The following MSI1 variants were observed in gnomAD, a reference collection of about 807,000 sequenced individuals.
MSI1 encodes RNA-binding protein Musashi homolog 1.
In MSI1, 15 loss-of-function variants were observed where a neutral mutation model predicts 54.4. The observed-to-expected ratio is 0.28, with a 90% CI of 0.18 to 0.42. The LOEUF (loss-of-function observed/expected upper bound fraction) is 0.42, where lower values mean the gene tolerates loss of function less well. Among genes scored for constraint, MSI1 ranks in the 20% least tolerant of loss-of-function variants. The probability of loss-of-function intolerance (pLI) is 1.00; values close to 1 mark genes in which losing one functional copy is unlikely to be tolerated. For synonymous variants in MSI1, 200 were observed against 196.5 expected (o/e 1.02, Z -0.15); for missense variants, 304 against 506.0 (o/e 0.60, Z 3.83).
At position 120,362,720 on chromosome 12, in the gene MSI1, C is replaced by T. The variant is rs573604292; in HGVS notation, c.402+323G>A. 9.2e-5 allele frequency among the ~76,000 whole-genome samples: 14 copies of T among 152,312 alleles called. No individual in the cohort carries two copies. The South Asian group carries it at 1.2e-3, about 14-fold the overall frequency. On this transcript the variant is annotated intron_variant, in intron 6 of 14. Transcript: ENST00000257552. ...ACAGGTGCAAACTCCCAGGAGGCCA[C>T]GGGCTGACTTGATTGAACTGGCTGT...
At chr12:120,344,315 G>A (rs1873933262) in intron 14 of MSI1, among the ~76,000 whole-genome samples, 1 of 152,194 alleles carries the variant, frequency 6.6e-6, no homozygotes, top group South Asian at 2.1e-4. Flanking sequence ...TTGAAACTGG[G>A]ACAAACACTG....
intron 5 of MSI1, among the ~76,000 whole-genome samples, chr12:120,364,244 A>G (rs1194282846): frequency 6.6e-6 from 1 of 152,172 alleles, no homozygotes; most frequent in Non-Finnish European, 1.5e-5. Flanking sequence ...CTGAAAGACA[A>G]CAGGTGACAG....
Position 120,347,483 on chromosome 12 carries a change from C to T in MSI1, c.822G>A (p.Ala274=), listed in dbSNP as rs768663071. The stretch of plus-strand genomic sequence containing the variant: ...CCACAGCCGCTGCCGCCGCTGCCGC[C>T]GCCATTGGTCCGTAGGCAGTGAGAG... ...AIPLTAYGPM[A]AAAAAAAVVR... Residue 274 remains alanine (A), a synonymous_variant, in exon 12 of 15, where the codon GCG becomes GCA. Coordinates refer to ENST00000257552, the MANE Select transcript of MSI1 (RefSeq NM_002442.4). 41 of 1,614,018 alleles carry T rather than the reference C, an allele frequency of 2.5e-5. No individual in the cohort carries two copies. The highest frequency in any genetic ancestry group is 5.0e-5 in the Admixed American group (3 of 59,996).
At chr12:120,354,622 G>T (rs1354341158) in intron 9 of MSI1, among the ~76,000 whole-genome samples, 2 of 152,036 alleles carry the variant, frequency 1.3e-5, no homozygotes, top group Non-Finnish European at 2.9e-5. Flanking sequence ...GTTGAGACAG[G>T]GTTTCTCCAT....
At chr12:120,358,024 C>A in intron 7 of MSI1, 126 bp from the exon 8 acceptor site, 2 of 766,816 alleles carry the variant, frequency 2.6e-6, no homozygotes. Context: ...AAAGGCTCTG[C>A]TCACAGCCTG....
Position 120,359,006 on chromosome 12 carries a change from T to C in MSI1, c.450A>G (p.Arg150=). The change falls in exon 7 of 15, where the codon CGA becomes CGG. Residue 150 remains arginine (R), a splice_region_variant and synonymous_variant. Transcript: ENST00000257552. ...LMFDKTTNRH[R]GFGFVTFESE... is the part of the protein sequence containing the mutation. Reference sequence around the variant, plus strand: ...GAAGGGGGAGGGGGCCACACTCACCTCGGTGCCGGTTGGTGGTTTTGTCAA... The same window carrying C: ...GAAGGGGGAGGGGGCCACACTCACCCCGGTGCCGGTTGGTGGTTTTGTCAA... The C allele has an allele frequency of 1.9e-6, 3 of 1,566,274 alleles. No individual in the cohort carries two copies. The highest frequency in any genetic ancestry group is 2.6e-6 in the Non-Finnish European group (3 of 1,155,356).
At chr12:120,346,070 C>T (rs1874091476) in intron 13 of MSI1, 65 bp downstream of exon 13, 4 of 1,367,252 alleles carry the variant, frequency 2.9e-6, no homozygotes, top group Non-Finnish European at 3.9e-6. Context: ...TCTCTCCCTT[C>T]CCCAACTTGG....
At chr12:120,353,150 A>C in intron 10 of MSI1, 149 bp downstream of exon 10, 1 of 759,188 alleles carries the variant, frequency 1.3e-6, no homozygotes, top group African/African-American at 1.7e-5. Context: ...ATGGGTGGGG[A>C]GAGGCCCTCT....
chr12:120,343,199 C>T (rs913708824), intron 14 of MSI1, 94 bp from the exon 15 acceptor site: 9 of 150,864 alleles, frequency 6.0e-5, no homozygotes, highest in African/African-American at 1.9e-4. Context: ...AAACTACCTA[C>T]TTTCTTCTTC....
At chr12:120,353,481 A>G in intron 9 of MSI1, 102 bp from the exon 10 acceptor site, 1 of 1,011,900 alleles carries the variant, frequency 9.9e-7, no homozygotes. Context: ...TTCCTTTATC[A>G]TGAATAATAG....
intron 10 of MSI1, among the ~76,000 whole-genome samples, chr12:120,351,954 C>T (rs1251711585): frequency 3.3e-5 from 5 of 151,202 alleles, no homozygotes; most frequent in South Asian, 2.1e-4. Flanking sequence ...GTGATCCGCC[C>T]GTCTTGGCCT....
At chr12:120,359,589 C>G (rs187676691) in intron 6 of MSI1, among the ~76,000 whole-genome samples, 30 of 152,264 alleles carry the variant, frequency 2.0e-4, no homozygotes, top group African/African-American at 7.0e-4. Flanking sequence ...AGTTCAGTGC[C>G]TGGGCTGCTT....
At chr12:120,355,098 T>C (rs1874975274) in intron 9 of MSI1, among the ~76,000 whole-genome samples, 1 of 132,990 alleles carries the variant, frequency 7.5e-6, no homozygotes, top group Non-Finnish European at 1.6e-5. Flanking sequence ...AAATAGAAAG[T>C]AGATTAGATA....
chr12:120,360,822 AC>A (rs2136969580), intron 6 of MSI1, among the ~76,000 whole-genome samples: 1 of 76,106 alleles, frequency 1.3e-5, no homozygotes, highest in African/African-American at 5.1e-5. Flanking sequence ...AATGAAAGAC[AC>A]CTTTTTTTTT....
At position 120,356,401 on chromosome 12, in the gene MSI1, G is replaced by A. The variant is rs151212744; in HGVS notation, c.652+501C>T. On this transcript the variant is annotated intron_variant, in intron 9 of 14. Transcript: ENST00000257552. The stretch of plus-strand genomic sequence containing the variant: ...CTCCACCCGCAGACTCAACTTAAAT[G>A]TAACTTCTTTTCCCACTTCTCCAAG... 3.8e-4 allele frequency among the ~76,000 whole-genome samples: 58 copies of A among 152,188 alleles called. No individual in the cohort carries two copies. The East Asian group carries it at 0.011, about 28-fold the overall frequency.
chr12:120,362,962 C>G, intron 6 of MSI1, 81 bp downstream of exon 6: 1 of 1,212,086 alleles, frequency 8.3e-7, no homozygotes, highest in Non-Finnish European at 1.2e-6. Context: ...ATGGAATGAC[C>G]TGGCTGGATT....
At chr12:120,366,379 A>C (rs1326321769) in intron 4 of MSI1, among the ~76,000 whole-genome samples, 1 of 152,034 alleles carries the variant, frequency 6.6e-6, no homozygotes, top group African/African-American at 2.4e-5. Context: ...GCCAAGTCCC[A>C]CTGGGCTCCA....
Position 120,368,943 on chromosome 12 carries a change from C to G in MSI1, c.60-70G>C, listed in dbSNP as rs1465265929. Reference sequence around the variant, plus strand: ...CGCCAGGGCGCAGGGGGCGCGGGCCCGGGCTCCGGGGAGGCCCGGCCGGAC... The same window carrying G: ...CGCCAGGGCGCAGGGGGCGCGGGCCGGGGCTCCGGGGAGGCCCGGCCGGAC... On this transcript the variant is annotated intron_variant, in intron 1 of 14. Coordinates refer to ENST00000257552, the MANE Select transcript of MSI1 (RefSeq NM_002442.4). This position sits in a 1 kb window ranked among gnomAD's most constrained non-coding sequence, Gnocchi z 6.6. 2.4e-6 allele frequency: 3 copies of G among 1,257,572 alleles called. No individual in the cohort carries two copies. Among genetic ancestry groups the G allele is most frequent in the Non-Finnish European group, 3.0e-6 (3 of 986,928 alleles). The allele number at this position is 1,257,572 out of a possible 1,614,324, so 77.9% of individuals were successfully genotyped here.
At chr12:120,353,859 T>C (rs1281007166) in intron 9 of MSI1, among the ~76,000 whole-genome samples, 1 of 152,254 alleles carries the variant, frequency 6.6e-6, no homozygotes, top group Non-Finnish European at 1.5e-5. Flanking sequence ...TCCCTCTCAT[T>C]GTACAAGACT....
Sources: allele counts gnomAD v4.1 joint callset (sites outside exome capture counted in the v4.1 genomes callset), GRCh38; gene constraint gnomAD v4.1.1; non-coding constraint Gnocchi (gnomAD v3.1); transcripts MANE v1.5; gene names NCBI Gene and HGNC (gene_info 2026-07-23, HGNC 2026-07-21).